Variants in TOP2B observed in about 807,000 individuals in gnomAD.
TOP2B encodes DNA topoisomerase II beta, also known as DNA topoisomerase 2-beta.
A neutral mutation model predicts 193.5 loss-of-function variants in TOP2B; 51 were observed. The ratio of observed to expected loss-of-function variants is 0.26; its 90% CI spans 0.21 to 0.33. The LOEUF (loss-of-function observed/expected upper bound fraction) is 0.33. Among genes scored for constraint, TOP2B ranks in the 10% least tolerant of loss-of-function variants. The pLI, the probability that TOP2B is intolerant of heterozygous loss-of-function variation, is 1.00. For synonymous variants in TOP2B, 634 were observed against 635.7 expected (o/e 1.00, Z 0.04); for missense variants, 1,378 against 1,909.3 (o/e 0.72, Z 5.19).
At chr3:25,598,746 A>G (rs1025092616) in intron 35 of TOP2B, among the ~76,000 whole-genome samples, 1 of 152,222 alleles carries the variant, frequency 6.6e-6, no homozygotes, top group Non-Finnish European at 1.5e-5. Flanking sequence ...CTGAAATTAT[A>G]TATTACCCAA....
chr3:25,627,379 G>T, intron 15 of TOP2B, 83 bp from the exon 16 acceptor site: 2 of 817,468 alleles, frequency 2.4e-6, no homozygotes, highest in Non-Finnish European at 3.8e-6. Context: ...TGGAAAAGTT[G>T]TAATAGATGG....
intron 1 of TOP2B, among the ~76,000 whole-genome samples, chr3:25,659,578 G>C (rs1703850830): frequency 6.6e-6 from 1 of 152,132 alleles, no homozygotes; most frequent in Non-Finnish European, 1.5e-5. Context: ...TGGGATAAGT[G>C]TTTTCCCAAA....
intron 28 of TOP2B, among the ~76,000 whole-genome samples, chr3:25,611,894 TGGA>T (rs1232619170): frequency 6.6e-6 from 1 of 152,134 alleles, no homozygotes; most frequent in African/African-American, 2.4e-5. Flanking sequence ...GTTGGGTTTT[TGGA>T]GGTTTTTGTT....
chr3:25,632,502 G>C lies in TOP2B; in HGVS notation c.1210C>G (p.Leu404Val). Residue 404 changes from leucine (L) to valine (V), a missense_variant, in exon 10 of 36, where the codon CTG (leucine) becomes GTG (valine). By Grantham distance (32) the Leu-to-Val change is conservative. Transcript: ENST00000264331. The stretch of plus-strand genomic sequence containing the variant: ...TTAGACCCAAAACTTTTGGGCTGCA[G>C]AGTCATGTTTTCCTTAGTCTGAGAA... Reference protein sequence around the residue: ...FDSQTKENMTLQPKSFGSKCQ... With the variant: ...FDSQTKENMTVQPKSFGSKCQ... 1.9e-6 allele frequency: 3 copies of C among 1,587,712 alleles called. No individual in the cohort carries two copies. The highest frequency in any genetic ancestry group is 2.6e-6 in the Non-Finnish European group (3 of 1,168,960).
chr3:25,601,297 A>G, intron 33 of TOP2B, 72 bp from the exon 34 acceptor site: 1 of 1,508,816 alleles, frequency 6.6e-7, no homozygotes, highest in Non-Finnish European at 8.9e-7. Flanking sequence ...GTCCTATATA[A>G]ATGGAATTTC....
chr3:25,652,751 G>A (rs1261592440), intron 1 of TOP2B, among the ~76,000 whole-genome samples: 1 of 149,718 alleles, frequency 6.7e-6, no homozygotes, highest in Non-Finnish European at 1.5e-5. Context: ...CAAAGAACTA[G>A]GAAAAGAGAA....
intron 34 of TOP2B, among the ~76,000 whole-genome samples, chr3:25,600,419 A>G (rs1702061090): frequency 6.6e-6 from 1 of 152,176 alleles, no homozygotes; most frequent in South Asian, 2.1e-4. Context: ...CTTGAGTACT[A>G]CTTTCCCAGT....
In TOP2B at chr3:25,603,807, A is replaced by G. The variant is rs577216203; in HGVS notation, c.4489+953T>C. Among the ~76,000 whole-genome samples, 20 of 152,368 alleles carry G rather than the reference A, an allele frequency of 1.3e-4. No homozygotes were observed. In the East Asian group the frequency reaches 3.9e-3, roughly 29 times the overall value. ...AACACACATCCCACAGTTGGCTCAC[A>G]TGAGAGGCAAGGACACTGAGATATT... On this transcript the variant is annotated intron_variant, in intron 33 of 35. Coordinates refer to ENST00000264331, the MANE Select transcript of TOP2B (RefSeq NM_001330700.2).
In TOP2B at chr3:25,606,137, A is replaced by T; in HGVS notation, c.4299-15T>A. Reference sequence around the variant, plus strand: ...GCAAAGATTTTCTATTAGAAAGAAAATAAACACCACAGAGGATACAATTTA... The same window carrying T: ...GCAAAGATTTTCTATTAGAAAGAAATTAAACACCACAGAGGATACAATTTA... On this transcript the variant is annotated splice_polypyrimidine_tract_variant and intron_variant, in intron 31 of 35. Coordinates refer to ENST00000264331, the MANE Select transcript of TOP2B (RefSeq NM_001330700.2). The T allele has an allele frequency of 7.7e-7, 1 of 1,300,466 alleles. No homozygotes were observed. The allele number at this position is 1,300,466 out of a possible 1,614,324, so 80.6% of individuals were successfully genotyped here.
chr3:25,604,959 A>C lies in TOP2B; in HGVS notation c.4379-89T>G, dbSNP rs543208606. The C allele has an allele frequency of 5.9e-6, 5 of 849,302 alleles. No homozygotes were observed. The South Asian group carries it at 7.5e-5, about 13-fold the overall frequency. 52.6% of individuals were successfully genotyped at this position (849,302 alleles called of 1,614,324 possible). A position where few individuals can be genotyped will look rare whatever the true frequency, so the allele number is the denominator to read the frequency against. On this transcript the variant is annotated intron_variant, in intron 32 of 35. Coordinates refer to ENST00000264331, the MANE Select transcript of TOP2B (RefSeq NM_001330700.2). Reference sequence around the variant, plus strand: ...CTCTTTTAACTGATGACTTCCCTTTAGCTAGACAATTGATCTTATGTTACT... The same window carrying C: ...CTCTTTTAACTGATGACTTCCCTTTCGCTAGACAATTGATCTTATGTTACT...
intron 1 of TOP2B, among the ~76,000 whole-genome samples, chr3:25,648,794 C>T (rs951415156): frequency 6.0e-4 from 91 of 152,152 alleles, no homozygotes; most frequent in African/African-American, 2.1e-3. Context: ...CCCAGAAGGT[C>T]GAGGCTGCAG....
intron 22 of TOP2B, 145 bp downstream of exon 22, chr3:25,620,537 C>A: frequency 5.0e-6 from 4 of 802,162 alleles, no homozygotes; most frequent in South Asian, 2.4e-5. Flanking sequence ...ATTCAAAGCA[C>A]AAATTCAACT....
chr3:25,608,187 AAGAC>A (rs1702283060), intron 30 of TOP2B, among the ~76,000 whole-genome samples: 1 of 152,252 alleles, frequency 6.6e-6, no homozygotes, highest in Non-Finnish European at 1.5e-5. Context: ...TGAATGAAAA[AAGAC>A]AGGAGACATA....
intron 28 of TOP2B, among the ~76,000 whole-genome samples, chr3:25,610,501 G>A (rs1192474895): frequency 6.6e-6 from 1 of 152,158 alleles, no homozygotes; most frequent in African/African-American, 2.4e-5. Context: ...AGGAGGGAAG[G>A]GCATCCCAGG....
intron 23 of TOP2B, among the ~76,000 whole-genome samples, chr3:25,619,182 C>G (rs959421906): frequency 5.6e-4 from 86 of 152,226 alleles, no homozygotes; most frequent in African/African-American, 2.1e-3. Context: ...TGAAAACATA[C>G]ATATTCTATT....
Position 25,626,785 on chromosome 3 carries a change from T to C in TOP2B, c.2096A>G (p.His699Arg), listed in dbSNP as rs1702814090. Reference sequence around the variant, plus strand: ...TTTAAGACTAACCTCTGGTAAGCCATGTAGCCTACGCTGTCTCCGGTCTTC... The same window carrying C: ...TTTAAGACTAACCTCTGGTAAGCCACGTAGCCTACGCTGTCTCCGGTCTTC... The part of the protein sequence containing the change: ...FMEDRRQRRL[H>R]GLPEQFLYGT... The change falls in exon 17 of 36, where the codon CAT becomes CGT. Residue 699 changes from histidine (H) to arginine (R), a missense_variant. By Grantham distance (29) the His-to-Arg change is conservative (BLOSUM62 0). Coordinates refer to ENST00000264331, the MANE Select transcript of TOP2B (RefSeq NM_001330700.2). The C allele has an allele frequency of 6.2e-7, 1 of 1,608,842 alleles. No individual in the cohort carries two copies. The highest frequency in any genetic ancestry group is 8.5e-7 in the Non-Finnish European group (1 of 1,177,424).
intron 1 of TOP2B, 76 bp from the exon 2 acceptor site, chr3:25,645,546 TTTC>T: frequency 1.8e-6 from 2 of 1,142,730 alleles, no homozygotes; most frequent in Non-Finnish European, 2.4e-6. Flanking sequence ...CGACATGGGT[TTTC>T]TTTTTTAATG....
intron 22 of TOP2B, 37 bp downstream of exon 22, chr3:25,620,644 CT>C (rs1408770378): frequency 6.3e-7 from 1 of 1,590,522 alleles, no homozygotes; most frequent in East Asian, 2.2e-5. Flanking sequence ...GCTTAATACA[CT>C]GCCCTTCCCT....
At chr3:25,628,580 A>T (rs1702871105) in intron 15 of TOP2B, among the ~76,000 whole-genome samples, 1 of 152,242 alleles carries the variant, frequency 6.6e-6, no homozygotes, top group South Asian at 2.1e-4. Context: ...ATACTAGACT[A>T]TAATGTCTGG....
Sources: gnomAD v4.1 joint callset for allele counts (sites outside exome capture counted in the v4.1 genomes callset) on GRCh38, gnomAD v4.1.1 for gene constraint, MANE v1.5 for transcripts, NCBI Gene and HGNC (gene_info 2026-07-23, HGNC 2026-07-21) for gene names.